The following GNPTAB variants were observed in gnomAD, a reference collection of about 807,000 sequenced individuals.
GNPTAB encodes the protein N-acetylglucosamine-1-phosphotransferase subunits alpha/beta.
In GNPTAB, 92 loss-of-function variants were observed where a neutral mutation model predicts 136.6. That is an observed-to-expected ratio of 0.67 (90% CI 0.57 to 0.80). GNPTAB has a LOEUF of 0.80. GNPTAB is among the 30% of genes least tolerant of loss of function. The pLI, the probability that GNPTAB is intolerant of heterozygous loss-of-function variation, is 0.00. For missense variants in GNPTAB, 1,343 were observed against 1,501.8 expected, an observed-to-expected ratio of 0.89 and a Z score of 1.75; for synonymous variants, 512 against 535.1, an observed-to-expected ratio of 0.96 and a Z score of 0.60.
At chr12:101,818,335 G>C (rs1293144955) in intron 1 of GNPTAB, among the ~76,000 whole-genome samples, 1 of 151,066 alleles carries the variant, frequency 6.6e-6, no homozygotes, top group Non-Finnish European at 1.5e-5. Flanking sequence ...CCTGGACTAT[G>C]AGTTCCTCCA....
At chr12:101,809,757 T>C (rs1594252938) in intron 1 of GNPTAB, among the ~76,000 whole-genome samples, 1 of 151,970 alleles carries the variant, frequency 6.6e-6, no homozygotes, top group East Asian at 1.9e-4. Flanking sequence ...AAGGAGAAGA[T>C]GGGAATGAAT....
intron 13 of GNPTAB, among the ~76,000 whole-genome samples, chr12:101,762,005 TAAC>T (rs1047862063): frequency 6.7e-6 from 1 of 149,838 alleles, no homozygotes; most frequent in Non-Finnish European, 1.5e-5. Flanking sequence ...GAGATCTACA[TAAC>T]AACAGTCACA....
rs1388947509 is a variant in GNPTAB, at chr12:101,780,144, G to A, written c.771+8C>T. On this transcript the variant is annotated splice_region_variant and intron_variant, in intron 7 of 20. Coordinates refer to ENST00000299314, the MANE Select transcript of GNPTAB (RefSeq NM_024312.5). ...CCAGGCTAATTGCTCTATTTTCTATGTTCTTACCAGTTTGACTTTAGAGGA... is the reference window on the plus strand; with the variant it reads ...CCAGGCTAATTGCTCTATTTTCTATATTCTTACCAGTTTGACTTTAGAGGA... 1.2e-6 allele frequency: 2 copies of A among 1,611,808 alleles called. No individual in the cohort carries two copies. Among genetic ancestry groups the A allele is most frequent in the Admixed American group, 1.7e-5 (1 of 60,004 alleles).
chr12:101,749,244 A>C, intron 19 of GNPTAB, 53 bp from the exon 20 acceptor site: 3 of 990,868 alleles, frequency 3.0e-6, no homozygotes, highest in Non-Finnish European at 4.9e-6. Flanking sequence ...TTTCACTACC[A>C]TTAGTTAAGC....
chr12:101,774,514 C>T (rs1278807369), intron 7 of GNPTAB, among the ~76,000 whole-genome samples: 12 of 152,132 alleles, frequency 7.9e-5, no homozygotes, highest in Admixed American at 7.9e-4. Flanking sequence ...ACATTTTGTA[C>T]AGTGTATCAC....
chr12:101,777,334 G>A (rs1442195578), intron 7 of GNPTAB, among the ~76,000 whole-genome samples: 1 of 152,174 alleles, frequency 6.6e-6, no homozygotes, highest in Non-Finnish European at 1.5e-5. Context: ...GTCCTTCCAC[G>A]GCCTACAGGA....
Position 101,830,569 on chromosome 12 carries a change from T to G in GNPTAB, c.107A>C (p.Gln36Pro), listed in dbSNP as rs1037487524. The change falls in exon 1 of 21, where the codon CAG (glutamine) becomes CCG (proline). Residue 36 changes from glutamine (Q) to proline (P), a missense_variant. Transcript: ENST00000299314. The stretch of plus-strand genomic sequence containing the variant: ...GGCGCCGCTACTCACCTCTCCGAAC[T>G]GGAAGGCGGAGACGATGGTGACAAC... Reference protein sequence around the residue: ...GVVVTIVSAFQFGEVVLEWSR... With the variant: ...GVVVTIVSAFPFGEVVLEWSR... The G allele has an allele frequency of 6.2e-7, 1 of 1,608,818 alleles. No homozygotes were observed. The highest frequency in any genetic ancestry group is 8.5e-7 in the Non-Finnish European group (1 of 1,176,162).
intron 1 of GNPTAB, among the ~76,000 whole-genome samples, chr12:101,814,111 C>A (rs1035897739): frequency 1.3e-5 from 2 of 150,502 alleles, no homozygotes; most frequent in South Asian, 2.1e-4. Context: ...ACCAGCTGGG[C>A]AACATGATGA....
At chr12:101,802,485 G>A (rs1020006660) in intron 1 of GNPTAB, among the ~76,000 whole-genome samples, 1 of 152,054 alleles carries the variant, frequency 6.6e-6, no homozygotes, top group Non-Finnish European at 1.5e-5. Flanking sequence ...CACAACACTG[G>A]ATGGTCAAGG....
chr12:101,776,303 G>C (rs1355660370), intron 7 of GNPTAB, among the ~76,000 whole-genome samples: 1 of 152,160 alleles, frequency 6.6e-6, no homozygotes, highest in Non-Finnish European at 1.5e-5. Flanking sequence ...GATTTAGAGG[G>C]ATCTGAAAAT....
intron 1 of GNPTAB, among the ~76,000 whole-genome samples, chr12:101,828,391 C>A (rs1871208786): frequency 6.6e-6 from 1 of 152,178 alleles, no homozygotes; most frequent in Non-Finnish European, 1.5e-5. Flanking sequence ...TTAGGCTGGT[C>A]GTGGTGGCTC....
In GNPTAB at chr12:101,764,102, G is replaced by A. The variant is rs1204340117; in HGVS notation, c.2715+100C>T. On this transcript the variant is annotated intron_variant, in intron 13 of 20. Transcript: ENST00000299314. ...AGAAAAGCATTTAGTTCCATGGCCG[G>A]CACAGGGAAGTGCTGAATAAATGGT... is the stretch of plus-strand genomic sequence containing the variant. 4.1e-6 allele frequency: 6 copies of A among 1,477,012 alleles called. No homozygotes were observed. In the South Asian group the frequency reaches 4.7e-5, roughly 12 times the overall value. The allele number at this position is 1,477,012 out of a possible 1,614,324, so 91.5% of individuals were successfully genotyped here.
chr12:101,818,453 C>T (rs754654959), intron 1 of GNPTAB, among the ~76,000 whole-genome samples: 1 of 151,402 alleles, frequency 6.6e-6, no homozygotes, highest in Non-Finnish European at 1.5e-5. Context: ...TCTCGGCTCA[C>T]CACAACCTCC....
intron 11 of GNPTAB, among the ~76,000 whole-genome samples, chr12:101,766,871 C>T (rs1041729148): frequency 2.0e-5 from 3 of 152,100 alleles, no homozygotes; most frequent in South Asian, 2.1e-4. Flanking sequence ...TCAAGGGGCA[C>T]GTGCTGACAG....
chr12:101,826,662 T>C (rs1037684242), intron 1 of GNPTAB, among the ~76,000 whole-genome samples: 2 of 152,162 alleles, frequency 1.3e-5, no homozygotes, highest in Non-Finnish European at 2.9e-5. Context: ...GTGTGAAGAA[T>C]TGTGGACTTG....
chr12:101,797,169 A>G (rs988605118), intron 1 of GNPTAB, among the ~76,000 whole-genome samples: 1 of 152,202 alleles, frequency 6.6e-6, no homozygotes, highest in Non-Finnish European at 1.5e-5. Flanking sequence ...TCCAGAAGAC[A>G]GGTAGATAAC....
intron 2 of GNPTAB, among the ~76,000 whole-genome samples, chr12:101,793,867 G>C (rs1566089279): frequency 6.6e-6 from 1 of 152,136 alleles, no homozygotes; most frequent in African/African-American, 2.4e-5. Flanking sequence ...TTTAGAGATA[G>C]AGTCTTGCTC....
chr12:101,821,625 T>C (rs193285811), intron 1 of GNPTAB, among the ~76,000 whole-genome samples: 4 of 152,108 alleles, frequency 2.6e-5, no homozygotes, highest in South Asian at 4.2e-4. Context: ...TTTTCAGAGG[T>C]AGCTGGCATT....
chr12:101,769,743 C>T (rs1953142916), intron 10 of GNPTAB, among the ~76,000 whole-genome samples: 1 of 151,836 alleles, frequency 6.6e-6, no homozygotes, highest in African/African-American at 2.4e-5. Context: ...CCCACGGCCC[C>T]CCAACACCCA....
Sources: allele counts gnomAD v4.1 joint callset (sites outside exome capture counted in the v4.1 genomes callset), GRCh38; gene constraint gnomAD v4.1.1; transcripts MANE v1.5; gene names NCBI Gene and HGNC (gene_info 2026-07-23, HGNC 2026-07-21).